The following LARP4B variants were observed in gnomAD, a reference collection of about 807,000 sequenced individuals.
LARP4B encodes La ribonucleoprotein 4B, also known as la-related protein 4B.
LARP4B carries 12 observed loss-of-function variants against 89.8 expected under a neutral mutation model. The ratio of observed to expected loss-of-function variants is 0.13; its 90% CI spans 0.09 to 0.22. The LOEUF (loss-of-function observed/expected upper bound fraction) is 0.22. Ranked by LOEUF, LARP4B falls within the 10% of genes least tolerant of loss-of-function variation. LARP4B has a pLI of 1.00. For synonymous variants in LARP4B, 367 were observed against 363.3 expected (o/e 1.01, Z -0.12); for missense variants, 757 against 947.7 (o/e 0.80, Z 2.64).
At chr10:975,842 G>A in the LARP4B span, among the ~76,000 whole-genome samples, 1 of 150,276 alleles carries the variant, frequency 6.7e-6, no homozygotes, top group Non-Finnish European at 1.5e-5. Context: ...GTGTGGACCC[G>A]GCCTAGTAGA....
chr10:955,329 C>T, the LARP4B span, among the ~76,000 whole-genome samples: 2 of 152,236 alleles, frequency 1.3e-5, no homozygotes, highest in African/African-American at 2.4e-5. This position sits in a 1 kb window ranked among gnomAD's most constrained non-coding sequence, Gnocchi z 5.2. Context: ...GGGGCCCACA[C>T]CACAGGCGCC....
At chr10:980,236 G>A in the LARP4B span, among the ~76,000 whole-genome samples, 1 of 152,232 alleles carries the variant, frequency 6.6e-6, no homozygotes, top group Non-Finnish European at 1.5e-5. Context: ...GCTCTCACCA[G>A]TTGGAGTTGA....
rs959764998 is a variant in LARP4B, at chr10:815,993, C to T, written c.1696-923G>A. ...CCTATAATCCCCGCATTTTGGGAGGCTGAGGTGGACGAATCACCTGAGGTC... is the reference window on the plus strand; with the variant it reads ...CCTATAATCCCCGCATTTTGGGAGGTTGAGGTGGACGAATCACCTGAGGTC... On this transcript the variant is annotated intron_variant, in intron 15 of 17. Transcript: ENST00000316157. Among the ~76,000 whole-genome samples, 13 of 152,342 alleles carry T rather than the reference C, an allele frequency of 8.5e-5. No homozygotes were observed. The East Asian group carries it at 2.5e-3, about 29-fold the overall frequency.
intron 1 of LARP4B, among the ~76,000 whole-genome samples, chr10:910,462 C>A (rs1836637790): frequency 6.6e-6 from 1 of 152,186 alleles, no homozygotes; most frequent in Non-Finnish European, 1.5e-5. Context: ...GTGACACTCT[C>A]CATCTTCAGA....
At chr10:949,013 A>G in the LARP4B span, among the ~76,000 whole-genome samples, 16 of 152,300 alleles carry the variant, frequency 1.1e-4, 1 homozygote, top group East Asian at 3.1e-3. Flanking sequence ...CGGGATGAAC[A>G]CCCTGGCCCG....
At chr10:856,747 G>C (rs1045368241) in intron 5 of LARP4B, among the ~76,000 whole-genome samples, 1 of 152,152 alleles carries the variant, frequency 6.6e-6, no homozygotes, top group South Asian at 2.1e-4. Context: ...TTGTGCTTCC[G>C]GCACGAGTAG....
chr10:807,982 A>G (rs1421408912), downstream of LARP4B: 3 of 152,274 alleles, frequency 2.0e-5, no homozygotes, highest in Non-Finnish European at 2.9e-5. Context: ...AGTTGGTTCA[A>G]TCCAATGCTT....
intron 1 of LARP4B, among the ~76,000 whole-genome samples, chr10:915,660 T>C (rs1836799234): frequency 6.6e-6 from 1 of 151,618 alleles, no homozygotes; most frequent in Non-Finnish European, 1.5e-5. Flanking sequence ...AACAATTAGC[T>C]GGATGTGGTG....
the LARP4B span, among the ~76,000 whole-genome samples, chr10:981,523 C>A: frequency 6.6e-6 from 1 of 152,124 alleles, no homozygotes; most frequent in Admixed American, 6.5e-5. Flanking sequence ...ATTTAGATAA[C>A]TTTAAAGGGT....
chr10:866,902 T>G (rs1229986874), intron 3 of LARP4B, among the ~76,000 whole-genome samples: 3 of 152,246 alleles, frequency 2.0e-5, no homozygotes, highest in African/African-American at 7.2e-5. Flanking sequence ...CTCGTGTTCC[T>G]CCTATTCCAG....
chr10:976,549 G>A, the LARP4B span, among the ~76,000 whole-genome samples: 25,272 of 147,656 alleles, frequency 0.17, 2,486 homozygotes, highest in East Asian at 0.27. Context: ...TAGAAGGTAG[G>A]TGCCGCGTAA....
the LARP4B span, chr10:971,466 G>GA: frequency 2.0e-5 from 3 of 152,084 alleles, no homozygotes; most frequent in Admixed American, 2.0e-4. Flanking sequence ...ACAATAGTAG[G>GA]AAAAAACATT....
intron 8 of LARP4B, among the ~76,000 whole-genome samples, chr10:833,249 TAA>T (rs56788542): frequency 0.12 from 5,980 of 51,480 alleles, 212 homozygotes; most frequent in Middle Eastern, 0.19. Context: ...TGATGAGCTT[TAA>T]AAAAAAAAAA....
intron 1 of LARP4B, among the ~76,000 whole-genome samples, chr10:919,760 G>C (rs924038820): frequency 6.6e-6 from 1 of 152,232 alleles, no homozygotes; most frequent in African/African-American, 2.4e-5. Context: ...ACTGCACACA[G>C]ACTCCTGTGT....
At chr10:908,999 A>G (rs1032296755) in intron 1 of LARP4B, among the ~76,000 whole-genome samples, 9 of 152,060 alleles carry the variant, frequency 5.9e-5, no homozygotes, top group African/African-American at 2.2e-4. Context: ...GGGAGCTATG[A>G]AATTCCAAGT....
At chr10:974,469 G>C in the LARP4B span, among the ~76,000 whole-genome samples, 1 of 152,188 alleles carries the variant, frequency 6.6e-6, no homozygotes, top group Non-Finnish European at 1.5e-5. Flanking sequence ...TGTGCTCTCA[G>C]CTTCCTTCAT....
At chr10:963,805 C>T in the LARP4B span, among the ~76,000 whole-genome samples, 490 of 152,300 alleles carry the variant, frequency 3.2e-3, 2 homozygotes, top group African/African-American at 0.011. Context: ...GTCAGTCACA[C>T]GGCAAGAGAG....
chr10:944,676 G>T, the LARP4B span, among the ~76,000 whole-genome samples: 1 of 152,242 alleles, frequency 6.6e-6, no homozygotes, highest in Non-Finnish European at 1.5e-5. Flanking sequence ...CGTTGCCCCC[G>T]CCCTGCCTTG....
chr10:908,153 G>A (rs1045068964), intron 1 of LARP4B, among the ~76,000 whole-genome samples: 4 of 152,166 alleles, frequency 2.6e-5, no homozygotes, highest in Admixed American at 2.0e-4. Context: ...GTTGCAGTGA[G>A]CCTGAGCCAA....
Sources: allele counts gnomAD v4.1 joint callset (sites outside exome capture counted in the v4.1 genomes callset), GRCh38; gene constraint gnomAD v4.1.1; non-coding constraint Gnocchi (gnomAD v3.1); transcripts MANE v1.5; gene names NCBI Gene and HGNC (gene_info 2026-07-23, HGNC 2026-07-21).